Variants in DUSP5 observed in about 807,000 individuals in gnomAD.
The protein encoded by DUSP5 is dual specificity phosphatase 5, also known as dual specificity protein phosphatase 5.
A neutral mutation model predicts 33.6 loss-of-function variants in DUSP5; 22 were observed. The ratio of observed to expected loss-of-function variants is 0.66; its 90% CI spans 0.47 to 0.94. The LOEUF (loss-of-function observed/expected upper bound fraction) is 0.94, where lower values mean the gene tolerates loss of function less well. Among genes scored for constraint, DUSP5 ranks in the 40% least tolerant of loss-of-function variants. The pLI is 0.00. For missense variants in DUSP5, 551 were observed against 522.1 expected (o/e 1.06, Z -0.54); for synonymous variants, 270 against 231.1 (o/e 1.17, Z -1.53).
intron 3 of DUSP5, 43 bp downstream of exon 3, chr10:110,507,197 T>A (rs1191107095): frequency 1.3e-6 from 2 of 1,581,840 alleles, no homozygotes; most frequent in Non-Finnish European, 1.7e-6. Context: ...GGAGCCCCTT[T>A]GGGGCATGTG....
At position 110,498,148 on chromosome 10, in the gene DUSP5, C is replaced by T. The variant is rs746329750; in HGVS notation, c.27C>T (p.Arg9=). 1.6e-5 allele frequency: 24 copies of T among 1,461,052 alleles called. No individual in the cohort carries two copies. The South Asian group carries it at 2.4e-4, about 14-fold the overall frequency. The allele number at this position is 1,461,052 out of a possible 1,614,324, so 90.5% of individuals were successfully genotyped here. A position where few individuals can be genotyped will look rare whatever the true frequency, so the allele number is the denominator to read the frequency against. ...TGAAGGTCACGTCGCTCGACGGGCG[C>T]CAGCTGCGCAAGATGCTCCGCAAGG... MKVTSLDG[R]QLRKMLRKEA... Residue 9 remains arginine (R), a synonymous_variant, in exon 1 of 4, where the codon CGC becomes CGT. Coordinates refer to ENST00000369583, the MANE Select transcript of DUSP5 (RefSeq NM_004419.4).
chr10:110,498,177 C>A lies in DUSP5; in HGVS notation c.56C>A (p.Ala19Glu). ...RQLRKMLRKEAAARCVVLDCR... is the reference protein window; with the variant it reads ...RQLRKMLRKEEAARCVVLDCR... ...CTGCGCAAGATGCTCCGCAAGGAGGCGGCGGCGCGCTGCGTGGTGCTCGAC... is the reference window on the plus strand; with the variant it reads ...CTGCGCAAGATGCTCCGCAAGGAGGAGGCGGCGCGCTGCGTGGTGCTCGAC... The change falls in exon 1 of 4, where the codon GCG (alanine) becomes GAG (glutamate). Residue 19 changes from alanine (A) to glutamate (E), a missense_variant. By Grantham distance (107) the Ala-to-Glu change is moderately radical. Transcript: ENST00000369583. 1 of 1,493,438 alleles carries A rather than the reference C, an allele frequency of 6.7e-7. No homozygotes were observed. Among genetic ancestry groups the A allele is most frequent in the Non-Finnish European group, 8.9e-7 (1 of 1,120,646 alleles). The allele number at this position is 1,493,438 out of a possible 1,614,324, so 92.5% of individuals were successfully genotyped here. A position where few individuals can be genotyped will look rare whatever the true frequency, so the allele number is the denominator to read the frequency against.
At chr10:110,506,860 C>T (rs531250196) in intron 2 of DUSP5, 75 bp from the exon 3 acceptor site, 57 of 1,464,616 alleles carry the variant, frequency 3.9e-5, no homozygotes, top group East Asian at 4.6e-5. Context: ...ACAAATAGGT[C>T]GGAGTTGTTT....
chr10:110,497,959 A>C lies in DUSP5; in HGVS notation c.-163A>C. On this transcript the variant is annotated 5_prime_UTR_variant, in exon 1 of 4. Coordinates refer to ENST00000369583, the MANE Select transcript of DUSP5 (RefSeq NM_004419.4). The stretch of plus-strand genomic sequence containing the variant: ...TGGCTATCGAGCGAGCGGGGCGGGA[A>C]CGCGGAGTTGCGCCGCCGCTCGGGC... 3.9e-5 allele frequency: 15 copies of C among 387,078 alleles called. No homozygotes were observed. Among genetic ancestry groups the C allele is most frequent in the East Asian group, 1.7e-4 (1 of 6,026 alleles). The allele number at this position is 387,078 out of a possible 1,614,324, so 24.0% of individuals were successfully genotyped here.
At chr10:110,501,014 C>A (rs929987952) in intron 1 of DUSP5, among the ~76,000 whole-genome samples, 2 of 152,188 alleles carry the variant, frequency 1.3e-5, no homozygotes, top group Non-Finnish European at 2.9e-5. Context: ...ATTCCTATTT[C>A]CCCAACCTTC....
At chr10:110,506,535 A>C (rs933992410) in intron 2 of DUSP5, among the ~76,000 whole-genome samples, 1 of 152,170 alleles carries the variant, frequency 6.6e-6, no homozygotes, top group Non-Finnish European at 1.5e-5. Context: ...AGAAAGCAAG[A>C]CTGTCCCAAG....
At chr10:110,499,538 G>C (rs1049919087) in intron 1 of DUSP5, among the ~76,000 whole-genome samples, 1 of 152,148 alleles carries the variant, frequency 6.6e-6, no homozygotes, top group African/African-American at 2.4e-5. Flanking sequence ...GCTCGGTGCA[G>C]AGAGCCGGCG....
intron 2 of DUSP5, among the ~76,000 whole-genome samples, chr10:110,506,196 G>A (rs531182677): frequency 1.6e-3 from 250 of 152,228 alleles, no homozygotes; most frequent in African/African-American, 5.2e-3. Flanking sequence ...TCAGGAGGCT[G>A]AGGTAGGAAG....
intron 1 of DUSP5, among the ~76,000 whole-genome samples, chr10:110,500,384 C>T (rs759248657): frequency 6.6e-6 from 1 of 152,224 alleles, no homozygotes; most frequent in Non-Finnish European, 1.5e-5. Flanking sequence ...ATTGCCAGGT[C>T]AAGAATTACA....
chr10:110,498,802 G>A (rs1859998908), intron 1 of DUSP5, among the ~76,000 whole-genome samples: 1 of 152,068 alleles, frequency 6.6e-6, no homozygotes, highest in Non-Finnish European at 1.5e-5. Flanking sequence ...CTCGTGCCGG[G>A]CACGAGCCCC....
At chr10:110,507,272 G>A in intron 3 of DUSP5, 118 bp downstream of exon 3, 10 of 1,054,540 alleles carry the variant, frequency 9.5e-6, no homozygotes, top group African/African-American at 1.6e-5. Context: ...TGTATATGCC[G>A]CTGCTGAGAG....
chr10:110,508,467 A>G (rs1018781418), intron 3 of DUSP5, among the ~76,000 whole-genome samples: 1 of 152,134 alleles, frequency 6.6e-6, no homozygotes, highest in Non-Finnish European at 1.5e-5. Flanking sequence ...AACCCACAGC[A>G]GTTTGAAAGC....
chr10:110,504,978 G>A (rs945805315), intron 2 of DUSP5, among the ~76,000 whole-genome samples: 4 of 152,176 alleles, frequency 2.6e-5, no homozygotes, highest in East Asian at 1.9e-4. Context: ...CAAGAGCTCC[G>A]CTGTCTGACG....
At chr10:110,504,529 T>C (rs146432838) in intron 2 of DUSP5, among the ~76,000 whole-genome samples, 128 of 152,374 alleles carry the variant, frequency 8.4e-4, no homozygotes, top group African/African-American at 3.0e-3. Context: ...CCATCCAGCC[T>C]GCTCCTTAAA....
At position 110,498,076 on chromosome 10, in the gene DUSP5, CCGCGGGGCGCGCGG is replaced by C; in HGVS notation, c.-37_-24del. On this transcript the variant is annotated 5_prime_UTR_variant, in exon 1 of 4. Coordinates refer to ENST00000369583, the MANE Select transcript of DUSP5 (RefSeq NM_004419.4). ...CCGTGGACACCCTGGCCGTGGGCAC[CCGCGGGGCGCGCGG>C]CGCGGGGCCGCTGGCCGGCGGCGGC... 3 of 1,151,582 alleles carry C rather than the reference CCGCGGGGCGCGCGG, an allele frequency of 2.6e-6. No homozygotes were observed. The highest frequency in any genetic ancestry group is 3.2e-6 in the Non-Finnish European group (3 of 943,278). 71.3% of individuals were successfully genotyped at this position (1,151,582 alleles called of 1,614,324 possible). A position where few individuals can be genotyped will look rare whatever the true frequency, so the allele number is the denominator to read the frequency against.
Position 110,510,852 on chromosome 10 carries a change from G to T in DUSP5, c.*426G>T. 1 of 164,182 alleles carries T rather than the reference G, an allele frequency of 6.1e-6. No homozygotes were observed. The highest frequency in any genetic ancestry group is 1.3e-5 in the Non-Finnish European group (1 of 75,676). The allele number at this position is 164,182 out of a possible 1,614,324, so 10.2% of individuals were successfully genotyped here. ...ATTTCCACCTTATTTTTTGAACTTT[G>T]GCAGTTTCAATGTCTGTCTCTGTTG... On this transcript the variant is annotated 3_prime_UTR_variant, in exon 4 of 4. Transcript: ENST00000369583.
intron 1 of DUSP5, among the ~76,000 whole-genome samples, chr10:110,501,738 GC>G (rs1860050838): frequency 6.6e-6 from 1 of 152,160 alleles, no homozygotes; most frequent in South Asian, 2.1e-4. Flanking sequence ...AGTTTCCCAA[GC>G]AAGGCTGGCC....
intron 3 of DUSP5, among the ~76,000 whole-genome samples, chr10:110,507,866 TCTC>T (rs1444595796): frequency 6.6e-6 from 1 of 152,298 alleles, no homozygotes; most frequent in East Asian, 1.9e-4. Context: ...TTTGGCATCT[TCTC>T]CTCCCCCATC....
intron 1 of DUSP5, among the ~76,000 whole-genome samples, chr10:110,500,109 C>G (rs750616293): frequency 4.6e-5 from 7 of 152,158 alleles, no homozygotes; most frequent in Non-Finnish European, 1.0e-4. Context: ...CAGAGACAGT[C>G]GTCAACTATT....
Sources: allele counts gnomAD v4.1 joint callset (sites outside exome capture counted in the v4.1 genomes callset), GRCh38; gene constraint gnomAD v4.1.1; transcripts MANE v1.5; gene names NCBI Gene and HGNC (gene_info 2026-07-23, HGNC 2026-07-21).